Variants in GSE1 observed in about 807,000 individuals in gnomAD.
GSE1 encodes the protein Gse1 coiled-coil protein.
A neutral mutation model predicts 112.6 loss-of-function variants in GSE1; 32 were observed. The ratio of observed to expected loss-of-function variants is 0.28; its 90% CI spans 0.21 to 0.38. The LOEUF (loss-of-function observed/expected upper bound fraction) is 0.38. Ranked by LOEUF, GSE1 falls within the 10% of genes least tolerant of loss-of-function variation. GSE1 has a pLI of 1.00. For synonymous variants in GSE1, 1,115 were observed against 735.6 expected, an observed-to-expected ratio of 1.52 and a Z score of -8.35; for missense variants, 2,348 against 1,699.2, an observed-to-expected ratio of 1.38 and a Z score of -6.71.
At chr16:85,266,652 A>G (rs1597234613) in intron 1 of GSE1, among the ~76,000 whole-genome samples, 1 of 139,044 alleles carries the variant, frequency 7.2e-6, no homozygotes, top group African/African-American at 2.7e-5. Flanking sequence ...TTTACCCCCT[A>G]CCTCTCCAGG....
chr16:85,181,920 G>C (rs995142396), intron 1 of GSE1, among the ~76,000 whole-genome samples: 3 of 152,210 alleles, frequency 2.0e-5, no homozygotes, highest in African/African-American at 7.2e-5. Context: ...GTCCCTTTGA[G>C]CTGGCGCGTC....
chr16:85,450,627 T>C (rs1240052020), intron 2 of GSE1, among the ~76,000 whole-genome samples: 2 of 151,656 alleles, frequency 1.3e-5, no homozygotes, highest in African/African-American at 2.4e-5. Flanking sequence ...TTTTTTGTAT[T>C]TTTAGTAGAG....
intron 1 of GSE1, among the ~76,000 whole-genome samples, chr16:85,211,103 C>T (rs894861286): frequency 2.0e-5 from 3 of 152,314 alleles, no homozygotes; most frequent in African/African-American, 4.8e-5. Context: ...CTCCTGTTTG[C>T]AGACACTGGG....
At chr16:85,648,179 C>T (rs539451158) in intron 2 of GSE1, among the ~76,000 whole-genome samples, 35 of 152,202 alleles carry the variant, frequency 2.3e-4, no homozygotes, top group Admixed American at 3.9e-4. Flanking sequence ...ATGTCTGTCC[C>T]GGAAGGTGCT....
chr16:85,346,104 G>C (rs1408619544), intron 1 of GSE1, among the ~76,000 whole-genome samples: 1 of 149,590 alleles, frequency 6.7e-6, no homozygotes, highest in Non-Finnish European at 1.5e-5. Context: ...GGGCGGGCGG[G>C]TGGATGATGG....
intron 2 of GSE1, among the ~76,000 whole-genome samples, chr16:85,508,745 A>C (rs1225514735): frequency 2.6e-5 from 4 of 152,194 alleles, no homozygotes; most frequent in Non-Finnish European, 5.9e-5. Context: ...TTTTCTGTAG[A>C]GACTGAAATT....
At chr16:85,185,748 C>T (rs893629230) in intron 1 of GSE1, among the ~76,000 whole-genome samples, 2 of 152,274 alleles carry the variant, frequency 1.3e-5, no homozygotes, top group African/African-American at 2.4e-5. Context: ...GTGCTTCGCC[C>T]TCGCCAGGCT....
intron 1 of GSE1, among the ~76,000 whole-genome samples, chr16:85,176,530 G>A (rs2074468523): frequency 1.3e-5 from 2 of 152,262 alleles, no homozygotes; most frequent in Admixed American, 1.3e-4. Context: ...CTGTTGCTGG[G>A]AGAGCTCCCG....
chr16:85,233,992 C>T (rs1445850222), intron 1 of GSE1, among the ~76,000 whole-genome samples: 3 of 152,136 alleles, frequency 2.0e-5, no homozygotes, highest in Non-Finnish European at 4.4e-5. Flanking sequence ...CCAGAACCAG[C>T]CCCCCAGCCC....
At chr16:85,276,723 C>T (rs907128389) in intron 1 of GSE1, among the ~76,000 whole-genome samples, 2 of 152,016 alleles carry the variant, frequency 1.3e-5, no homozygotes, top group African/African-American at 4.8e-5. Context: ...GGGCAGGGGC[C>T]GGGGAGGTGT....
chr16:85,248,239 C>A (rs1279726083), intron 1 of GSE1, among the ~76,000 whole-genome samples: 1 of 152,212 alleles, frequency 6.6e-6, no homozygotes. Flanking sequence ...TCCGCCTCGG[C>A]CTCCCTCTGC....
At chr16:85,487,661 C>T (rs2050884735) in intron 2 of GSE1, among the ~76,000 whole-genome samples, 1 of 151,832 alleles carries the variant, frequency 6.6e-6, no homozygotes. Context: ...CCCCGCGATA[C>T]AACCTTGATG....
intron 2 of GSE1, among the ~76,000 whole-genome samples, chr16:85,362,152 CT>C (rs1262070840): frequency 1.3e-5 from 2 of 152,222 alleles, no homozygotes; most frequent in Non-Finnish European, 2.9e-5. Context: ...CCCAAACGGA[CT>C]GACCAGGCAT....
chr16:85,672,503 C>G lies in GSE1; in HGVS notation c.3618C>G (p.His1206Gln). The change falls in exon 16 of 16, where the codon CAC becomes CAG. Residue 1206 changes from histidine (H) to glutamine (Q), a missense_variant. Transcript: ENST00000253458. ...LRKCLALPAMHWPRGYLKGYP... is the reference protein window; with the variant it reads ...LRKCLALPAMQWPRGYLKGYP... ...AGTGCCTTGCCTTGCCTGCAATGCA[C>G]TGGCCTAGGGGCTACCTGAAGGGAT... The G allele has an allele frequency of 2.5e-6, 4 of 1,613,036 alleles. No individual in the cohort carries two copies. The highest frequency in any genetic ancestry group is 1.3e-5 in the African/African-American group (1 of 75,044).
chr16:85,254,039 G>C (rs1906801042), intron 1 of GSE1, among the ~76,000 whole-genome samples: 1 of 152,192 alleles, frequency 6.6e-6, no homozygotes, highest in Admixed American at 6.5e-5. Flanking sequence ...ATCTGGAGAA[G>C]GATGGGGACC....
At position 85,613,780 on chromosome 16, in the gene GSE1, G is replaced by A. The variant is rs149185152; in HGVS notation, c.7+382G>A. On this transcript the variant is annotated intron_variant, in intron 1 of 15. Transcript: ENST00000253458. ...TGGAGAGCTGGAATGAAAACTTTGCGGCGACGCGGGAGGGAGCGAATGGGG... is the reference window on the plus strand; with the variant it reads ...TGGAGAGCTGGAATGAAAACTTTGCAGCGACGCGGGAGGGAGCGAATGGGG... Among the ~76,000 whole-genome samples, 1,164 of 150,224 alleles carry A rather than the reference G, an allele frequency of 7.7e-3. 20 individuals carry two copies. The highest frequency in any genetic ancestry group is 0.027 in the African/African-American group (1,098 of 40,702).
At chr16:85,642,742 G>T (rs2151827851) in intron 2 of GSE1, among the ~76,000 whole-genome samples, 1 of 152,360 alleles carries the variant, frequency 6.6e-6, no homozygotes, top group Non-Finnish European at 1.5e-5. Flanking sequence ...TTGCAGCGGG[G>T]CCGGGCCCTG....
intron 2 of GSE1, among the ~76,000 whole-genome samples, chr16:85,442,444 G>GAATT (rs1182061950): frequency 6.6e-6 from 1 of 151,474 alleles, no homozygotes. Context: ...ATGAATGGAT[G>GAATT]AATGAATGAA....
At chr16:85,235,808 G>A (rs937746076) in intron 1 of GSE1, among the ~76,000 whole-genome samples, 3 of 151,992 alleles carry the variant, frequency 2.0e-5, no homozygotes, top group Non-Finnish European at 4.4e-5. Context: ...GGTGAGCGCG[G>A]CTGGCTGGAG....
Sources: gnomAD v4.1 joint callset for allele counts (sites outside exome capture counted in the v4.1 genomes callset) on GRCh38, gnomAD v4.1.1 for gene constraint, MANE v1.5 for transcripts, NCBI Gene and HGNC (gene_info 2026-07-23, HGNC 2026-07-21) for gene names.